The following ROBO2 variants were observed in gnomAD, a reference collection of about 807,000 sequenced individuals.
ROBO2 encodes roundabout homolog 2.
ROBO2 carries 53 observed loss-of-function variants against 160.8 expected under a neutral mutation model. The ratio of observed to expected loss-of-function variants is 0.33; its 90% CI spans 0.26 to 0.41. The LOEUF (loss-of-function observed/expected upper bound fraction) is 0.41, where lower values mean the gene tolerates loss of function less well. ROBO2 is among the 10% of genes least tolerant of loss of function. The pLI is 1.00. For synonymous variants in ROBO2, 664 were observed against 611.7 expected, an observed-to-expected ratio of 1.09 and a Z score of -1.26; for missense variants, 1,577 against 1,722.4, an observed-to-expected ratio of 0.92 and a Z score of 1.49.
chr3:76,632,911 A>T (rs911253837), intron 2 of ROBO2, among the ~76,000 whole-genome samples: 1 of 152,212 alleles, frequency 6.6e-6, no homozygotes, highest in Admixed American at 6.5e-5. Flanking sequence ...TGTTAATCAA[A>T]TATCTAGTTA....
At chr3:77,565,050 C>T (rs2093438800) in exon 12 of ROBO2, 1 of 1,613,626 alleles carries the variant, frequency 6.2e-7, no homozygotes, top group Non-Finnish European at 8.5e-7. Context: ...TCTACTTATT[C>T]ATGGTCAGAG....
At chr3:77,216,922 A>T (rs1560262630) in intron 2 of ROBO2, among the ~76,000 whole-genome samples, 1 of 152,084 alleles carries the variant, frequency 6.6e-6, no homozygotes, top group Non-Finnish European at 1.5e-5. Flanking sequence ...GATTAGGGAG[A>T]CCAGGGCATA....
chr3:76,817,299 C>T (rs2065759343), intron 2 of ROBO2, among the ~76,000 whole-genome samples: 1 of 151,910 alleles, frequency 6.6e-6, no homozygotes, highest in African/African-American at 2.4e-5. Flanking sequence ...GCTATATTAT[C>T]CGTTTATTAG....
intron 14 of ROBO2, among the ~76,000 whole-genome samples, chr3:77,575,922 A>G (rs2093751083): frequency 1.3e-5 from 2 of 152,042 alleles, no homozygotes; most frequent in South Asian, 2.1e-4. Context: ...TTCATCTCCA[A>G]TTTCTGTGGC....
intron 2 of ROBO2, among the ~76,000 whole-genome samples, chr3:76,012,411 T>G (rs183082401): frequency 6.6e-6 from 1 of 152,340 alleles, no homozygotes; most frequent in Admixed American, 6.5e-5. Flanking sequence ...TATGTTTTCT[T>G]TGGCTCACGC....
At chr3:77,023,748 A>G (rs977761521) in intron 2 of ROBO2, among the ~76,000 whole-genome samples, 1 of 152,216 alleles carries the variant, frequency 6.6e-6, no homozygotes, top group Non-Finnish European at 1.5e-5. Flanking sequence ...AGAAAAAGTT[A>G]AAACCTGCCT....
chr3:75,955,783 A>G (rs1948703125), intron 2 of ROBO2, among the ~76,000 whole-genome samples: 1 of 151,472 alleles, frequency 6.6e-6, no homozygotes, highest in Admixed American at 6.6e-5. Context: ...GGTGTGGGAG[A>G]TATGTTTATA....
chr3:77,643,912 T>C (rs1268129978), intron 24 of ROBO2, among the ~76,000 whole-genome samples: 2 of 152,110 alleles, frequency 1.3e-5, no homozygotes, highest in East Asian at 1.9e-4. Context: ...GTTCTTGTCA[T>C]TGAAGACTAT....
intron 2 of ROBO2, among the ~76,000 whole-genome samples, chr3:76,325,568 T>C (rs1355259538): frequency 6.6e-6 from 1 of 152,138 alleles, no homozygotes; most frequent in African/African-American, 2.4e-5. Flanking sequence ...AAACAGTTGG[T>C]TGTAGCCTGG....
intron 21 of ROBO2, among the ~76,000 whole-genome samples, chr3:77,614,735 AACCAAC>A (rs1559731329): frequency 6.0e-4 from 91 of 150,738 alleles, no homozygotes; most frequent in African/African-American, 2.1e-3. Flanking sequence ...CCAACCAACC[AACCAAC>A]CAACCAACCA....
chr3:76,890,773 G>C (rs973034331), intron 2 of ROBO2, among the ~76,000 whole-genome samples: 8 of 152,102 alleles, frequency 5.3e-5, no homozygotes, highest in Non-Finnish European at 1.2e-4. Context: ...AGCAGACACT[G>C]TCTTTAATGA....
exon 23 of ROBO2, chr3:77,622,345 G>C (rs1472379753): frequency 2.5e-6 from 4 of 1,613,990 alleles, no homozygotes; most frequent in African/African-American, 1.3e-5. Context: ...CGACGACGAA[G>C]AGGAAGCTTT....
rs749043409 is a variant in ROBO2 at position 76,273,120 on chromosome 3, AATAT to A, written c.109+335542_109+335545del. Among the ~76,000 whole-genome samples, 58 of 32,352 alleles carry A rather than the reference AATAT, an allele frequency of 1.8e-3. 1 individual carries two copies. Among genetic ancestry groups the A allele is most frequent in the South Asian group, 4.7e-3 (5 of 1,062 alleles). 21.2% of individuals were successfully genotyped at this position (32,352 alleles called of 152,430 possible). ...ACACACATATACACACACACATATA[AATAT>A]ATATATATATATATATATATATACA... is the stretch of plus-strand genomic sequence containing the variant. On this transcript the variant is annotated intron_variant, in intron 2 of 26. Coordinates refer to the ROBO2 transcript ENST00000487694.
intron 2 of ROBO2, among the ~76,000 whole-genome samples, chr3:77,408,474 T>C (rs1401915611): frequency 7.2e-5 from 11 of 152,186 alleles, no homozygotes; most frequent in Admixed American, 6.6e-4. Context: ...GACTTTAGAA[T>C]TGACACCCCC....
chr3:76,225,396 C>T (rs1385780084), intron 2 of ROBO2, among the ~76,000 whole-genome samples: 1 of 152,140 alleles, frequency 6.6e-6, no homozygotes, highest in African/African-American at 2.4e-5. Flanking sequence ...GTATTCTTAG[C>T]TGCTTATTTT....
chr3:77,433,021 C>A (rs943348580), intron 2 of ROBO2, among the ~76,000 whole-genome samples: 1 of 152,178 alleles, frequency 6.6e-6, no homozygotes, highest in Non-Finnish European at 1.5e-5. Flanking sequence ...CTTTATTTGG[C>A]GACAATGCCT....
intron 2 of ROBO2, among the ~76,000 whole-genome samples, chr3:77,440,113 G>A (rs2079759455): frequency 6.6e-6 from 1 of 152,128 alleles, no homozygotes; most frequent in African/African-American, 2.4e-5. Flanking sequence ...TTTCATTTAT[G>A]TCAGTCTACC....
chr3:76,405,716 A>G (rs1170177649), intron 2 of ROBO2, among the ~76,000 whole-genome samples: 2 of 151,626 alleles, frequency 1.3e-5, no homozygotes, highest in Admixed American at 6.6e-5. Context: ...TTTTTCCTCT[A>G]TCCACACTCT....
At chr3:76,167,733 C>T (rs1252976126) in intron 2 of ROBO2, among the ~76,000 whole-genome samples, 2 of 152,124 alleles carry the variant, frequency 1.3e-5, no homozygotes, top group Non-Finnish European at 2.9e-5. Flanking sequence ...AATTTCTGAA[C>T]AAGTTGACTT....
Sources: gnomAD v4.1 joint callset for allele counts (sites outside exome capture counted in the v4.1 genomes callset) on GRCh38, gnomAD v4.1.1 for gene constraint, MANE v1.5 for transcripts, NCBI Gene and HGNC (gene_info 2026-07-23, HGNC 2026-07-21) for gene names.